Variants in MORC1 observed in about 807,000 individuals in gnomAD.
MORC1 encodes MORC family CW-type zinc finger protein 1.
MORC1 carries 59 observed loss-of-function variants against 134.9 expected under a neutral mutation model. The observed-to-expected ratio is 0.44, with a 90% CI of 0.35 to 0.54. MORC1 has a LOEUF of 0.54. MORC1 is among the 20% of genes least tolerant of loss of function. The pLI is 0.00. For synonymous variants in MORC1, 395 were observed against 391.7 expected (o/e 1.01, Z -0.10); for missense variants, 947 against 1,134.5 (o/e 0.83, Z 2.37).
chr3:109,111,385 A>G (rs1006383979), intron 2 of MORC1, among the ~76,000 whole-genome samples: 3 of 152,196 alleles, frequency 2.0e-5, no homozygotes, highest in Admixed American at 6.5e-5. Context: ...AGTAGTTTCA[A>G]AGGAGACCCC....
At chr3:109,007,603 C>T (rs957883156) in intron 17 of MORC1, among the ~76,000 whole-genome samples, 2 of 152,164 alleles carry the variant, frequency 1.3e-5, no homozygotes, top group Non-Finnish European at 2.9e-5. Flanking sequence ...ATACTTTGGC[C>T]TGAAATGACT....
chr3:108,972,142 C>T (rs921447423), intron 24 of MORC1, among the ~76,000 whole-genome samples: 1 of 152,166 alleles, frequency 6.6e-6, no homozygotes, highest in African/African-American at 2.4e-5. Flanking sequence ...ATTGTTCTGA[C>T]AGGTGCTTCA....
intron 8 of MORC1, among the ~76,000 whole-genome samples, chr3:109,089,217 A>G (rs1950672087): frequency 6.6e-6 from 1 of 152,148 alleles, no homozygotes. Flanking sequence ...CTAAAATAAA[A>G]GTCTAAAAGA....
intron 14 of MORC1, among the ~76,000 whole-genome samples, chr3:109,039,819 C>A (rs1360220342): frequency 6.6e-6 from 1 of 152,254 alleles, no homozygotes; most frequent in South Asian, 2.1e-4. Context: ...TTATGCCTCT[C>A]CCTCATGGTT....
chr3:109,024,660 C>T (rs1949033348), intron 17 of MORC1, among the ~76,000 whole-genome samples: 1 of 152,048 alleles, frequency 6.6e-6, no homozygotes, highest in African/African-American at 2.4e-5. Context: ...GATAAGTGGT[C>T]ATTGGGAGTG....
At chr3:109,023,029 TA>T (rs1379175290) in intron 17 of MORC1, among the ~76,000 whole-genome samples, 1 of 145,324 alleles carries the variant, frequency 6.9e-6, no homozygotes, top group Non-Finnish European at 1.5e-5. Context: ...TCTAAGTAGG[TA>T]AATGAAAGAT....
At chr3:109,089,256 C>A (rs913093465) in intron 8 of MORC1, among the ~76,000 whole-genome samples, 8 of 152,190 alleles carry the variant, frequency 5.3e-5, no homozygotes, top group Non-Finnish European at 5.9e-5. Flanking sequence ...AATTCAGTGG[C>A]ATATCTTACA....
intron 6 of MORC1, 64 bp from the exon 7 acceptor site, chr3:109,095,132 A>G: frequency 7.0e-7 from 1 of 1,423,472 alleles, no homozygotes; most frequent in South Asian, 1.4e-5. Flanking sequence ...CTTTTGTCTT[A>G]TCTATTTCAT....
At chr3:109,036,296 G>C (rs996076159) in intron 14 of MORC1, among the ~76,000 whole-genome samples, 2 of 151,996 alleles carry the variant, frequency 1.3e-5, no homozygotes, top group Non-Finnish European at 2.9e-5. Context: ...ATATATCAAA[G>C]AGTATCCCTA....
chr3:109,117,728 C>G (rs1227293269), intron 1 of MORC1, among the ~76,000 whole-genome samples: 2 of 152,130 alleles, frequency 1.3e-5, no homozygotes, highest in Non-Finnish European at 1.5e-5. Context: ...TTCTGCTGAC[C>G]AACAATTAAA....
At chr3:109,041,395 T>C (rs1003332849) in intron 14 of MORC1, among the ~76,000 whole-genome samples, 1 of 151,598 alleles carries the variant, frequency 6.6e-6, no homozygotes, top group African/African-American at 2.4e-5. Context: ...AAACTAAGTC[T>C]AATGAACAAC....
intron 17 of MORC1, among the ~76,000 whole-genome samples, chr3:109,009,823 C>T (rs2029001): frequency 0.2 from 31,004 of 151,986 alleles, 3,504 homozygotes; most frequent in Middle Eastern, 0.33. Flanking sequence ...ATTTCAAACA[C>T]GTAGCTTCAA....
chr3:109,087,224 T>C (rs1489103187), intron 8 of MORC1, among the ~76,000 whole-genome samples: 5 of 151,718 alleles, frequency 3.3e-5, no homozygotes, highest in Non-Finnish European at 7.4e-5. Context: ...AAACTATTGC[T>C]TGGCAATCAG....
At chr3:109,078,995 T>G (rs997862460) in intron 8 of MORC1, among the ~76,000 whole-genome samples, 4 of 151,830 alleles carry the variant, frequency 2.6e-5, no homozygotes, top group Non-Finnish European at 5.9e-5. Flanking sequence ...ATAAAAGAAA[T>G]AAAGTAATAA....
At chr3:108,960,630 G>A (rs559396472) in intron 27 of MORC1, among the ~76,000 whole-genome samples, 18 of 152,168 alleles carry the variant, frequency 1.2e-4, no homozygotes, top group Non-Finnish European at 2.1e-4. Context: ...GAGAAAGTTA[G>A]CCAAAGCTTT....
intron 9 of MORC1, among the ~76,000 whole-genome samples, chr3:109,065,532 C>T (rs1950176594): frequency 6.6e-6 from 1 of 152,166 alleles, no homozygotes. Flanking sequence ...TGAGCTGTGG[C>T]ATGGCAAAAG....
intron 1 of MORC1, among the ~76,000 whole-genome samples, chr3:109,116,361 CAG>C (rs978273087): frequency 2.0e-5 from 3 of 152,080 alleles, no homozygotes; most frequent in Non-Finnish European, 4.4e-5. Flanking sequence ...GCAGTGGAGA[CAG>C]AGAGAAATGG....
chr3:109,088,043 A>T (rs908027780), intron 8 of MORC1, among the ~76,000 whole-genome samples: 15 of 152,038 alleles, frequency 9.9e-5, no homozygotes, highest in Admixed American at 3.9e-4. Context: ...TTGAAGCGGG[A>T]CCCCTTCCTT....
chr3:109,064,246 T>A (rs1296103088), intron 9 of MORC1, among the ~76,000 whole-genome samples: 1 of 152,186 alleles, frequency 6.6e-6, no homozygotes, highest in Non-Finnish European at 1.5e-5. Context: ...CTATAGCACA[T>A]AATGAATCAC....
Sources: allele counts gnomAD v4.1 joint callset (sites outside exome capture counted in the v4.1 genomes callset), GRCh38; gene constraint gnomAD v4.1.1; transcripts MANE v1.5; gene names NCBI Gene and HGNC (gene_info 2026-07-23, HGNC 2026-07-21).